The following TRIM66 variants were observed in gnomAD, a reference collection of about 807,000 sequenced individuals.
The protein encoded by TRIM66 is tripartite motif-containing protein 66.
TRIM66 carries 99 observed loss-of-function variants against 148.2 expected under a neutral mutation model. The ratio of observed to expected loss-of-function variants is 0.67; its 90% confidence interval spans 0.57 to 0.79. The LOEUF (loss-of-function observed/expected upper bound fraction) is 0.79, where lower values mean the gene tolerates loss of function less well. Among genes scored for constraint, TRIM66 ranks in the 30% least tolerant of loss-of-function variants. TRIM66 has a pLI of 0.00. For synonymous variants in TRIM66, 616 were observed against 635.9 expected (o/e 0.97, Z 0.47); for missense variants, 1,666 against 1,697.9 (o/e 0.98, Z 0.33).
At chr11:8,637,910 G>A (rs1336394411) in intron 15 of TRIM66, among the ~76,000 whole-genome samples, 1 of 152,198 alleles carries the variant, frequency 6.6e-6, no homozygotes, top group Non-Finnish European at 1.5e-5. Context: ...CAGGGGTTGG[G>A]GGTGAAGGGG....
At position 8,679,881 on chromosome 11, in the gene TRIM66, G is replaced by A. The variant is rs1218841796; in HGVS notation, c.-385+20C>T. On this transcript the variant is annotated intron_variant, in intron 2 of 24. Coordinates refer to ENST00000646038, the MANE Select transcript of TRIM66 (RefSeq NM_001388022.1). Reference sequence around the variant, plus strand: ...GGGATCTGGAGAGAGAAGACTAAAGGCTAGGCCCAGGCTCTGTACCTGACC... The same window carrying A: ...GGGATCTGGAGAGAGAAGACTAAAGACTAGGCCCAGGCTCTGTACCTGACC... 1 of 152,286 alleles carries A rather than the reference G, an allele frequency of 6.6e-6. No homozygotes were observed. Among genetic ancestry groups the A allele is most frequent in the Non-Finnish European group, 1.5e-5 (1 of 68,120 alleles). 9.4% of individuals were successfully genotyped at this position (152,286 alleles called of 1,614,324 possible). A position where few individuals can be genotyped will look rare whatever the true frequency, so the allele number is the denominator to read the frequency against.
In TRIM66 at chr11:8,671,835, C is replaced by T. The variant is rs1479044158; in HGVS notation, c.291G>A (p.Leu97=). 6.5e-7 allele frequency: 1 copy of T among 1,529,978 alleles called. No homozygotes were observed. The highest frequency in any genetic ancestry group is 8.8e-7 in the Non-Finnish European group (1 of 1,141,374). The allele number at this position is 1,529,978 out of a possible 1,614,324, so 94.8% of individuals were successfully genotyped here. A position where few individuals can be genotyped will look rare whatever the true frequency, so the allele number is the denominator to read the frequency against. Residue 97 remains leucine (L), a synonymous_variant, in exon 6 of 25, where the codon TTG becomes TTA. Transcript: ENST00000646038. The part of the protein sequence containing the change: ...HLLRKDCFQG[L]IQELGQIAKA... ...TGGCAATCTGCCCTAGCTCCTGTATCAAGCCCTGGAAGCAGTCCTTACGGA... is the reference window on the plus strand; with the variant it reads ...TGGCAATCTGCCCTAGCTCCTGTATTAAGCCCTGGAAGCAGTCCTTACGGA...
chr11:8,645,599 G>A (rs1376057671), intron 12 of TRIM66, 142 bp downstream of exon 12: 1 of 971,426 alleles, frequency 1.0e-6, no homozygotes, highest in South Asian at 1.8e-5. Flanking sequence ...GAATTTGAAG[G>A]ATGGATGGAG....
chr11:8,673,424 G>C (rs2039037249), intron 4 of TRIM66, among the ~76,000 whole-genome samples: 1 of 152,156 alleles, frequency 6.6e-6, no homozygotes. Context: ...TACACACTAG[G>C]CAGTATTACT....
In TRIM66 at chr11:8,641,158, A is replaced by G. The variant is rs776771064; in HGVS notation, c.1223-6T>C. On this transcript the variant is annotated splice_region_variant and splice_polypyrimidine_tract_variant and intron_variant, in intron 13 of 24. Transcript: ENST00000646038. Reference sequence around the variant, plus strand: ...ACCTTCAGTAGTTATGCAGCCTGAAAATGCAGAATAGAGAGTTTTTCAAAA... The same window carrying G: ...ACCTTCAGTAGTTATGCAGCCTGAAGATGCAGAATAGAGAGTTTTTCAAAA... 1 of 1,545,026 alleles carries G rather than the reference A, an allele frequency of 6.5e-7. No individual in the cohort carries two copies. Among genetic ancestry groups the G allele is most frequent in the South Asian group, 1.2e-5 (1 of 83,866 alleles).
At chr11:8,628,632 A>AG (rs1385589443) in intron 15 of TRIM66, among the ~76,000 whole-genome samples, 32,095 of 82,930 alleles carry the variant, frequency 0.39, 5,149 homozygotes, top group Middle Eastern at 0.43. Context: ...AAAAAAAAAA[A>AG]AAAAAGAGAG....
chr11:8,645,593 T>C (rs1199238580), intron 12 of TRIM66, 148 bp downstream of exon 12: 4 of 944,368 alleles, frequency 4.2e-6, no homozygotes, highest in African/African-American at 1.7e-5. Context: ...GTGATTGAAT[T>C]TGAAGGATGG....
chr11:8,638,136 C>T (rs529797540), intron 15 of TRIM66, among the ~76,000 whole-genome samples: 2 of 152,242 alleles, frequency 1.3e-5, no homozygotes, highest in South Asian at 4.2e-4. Context: ...CTAAGGTATC[C>T]AACTCTGGGT....
At chr11:8,661,963 T>C (rs2038287604) in intron 6 of TRIM66, among the ~76,000 whole-genome samples, 1 of 152,202 alleles carries the variant, frequency 6.6e-6, no homozygotes, top group Non-Finnish European at 1.5e-5. Flanking sequence ...GCCTGCCTCC[T>C]TTCCATTACC....
In TRIM66 at chr11:8,619,518, C is replaced by G; in HGVS notation, c.3765G>C (p.Gln1255His). The G allele has an allele frequency of 2.6e-6, 4 of 1,546,332 alleles. No homozygotes were observed. Among genetic ancestry groups the G allele is most frequent in the Non-Finnish European group, 3.5e-6 (4 of 1,145,084 alleles). ...ACAGGTCCATGGGCCTCTTGATAAT[C>G]TGGTAATAATGCCGGGCCTTGGGGG... ...PVSPLARHYY[Q>H]IIKRPMDLSI... The change falls in exon 23 of 25, where the codon CAG becomes CAC. Residue 1255 changes from glutamine to histidine, a missense_variant. This residue lies in a region of TRIM66 where 204 missense variants were observed against 231.0 expected (regional missense o/e 0.88). Transcript: ENST00000646038.
intron 16 of TRIM66, 26 bp from the exon 17 acceptor site, chr11:8,624,577 A>T: frequency 6.6e-7 from 1 of 1,515,702 alleles, no homozygotes; most frequent in Non-Finnish European, 8.8e-7. Context: ...TGTCGACAAG[A>T]ATCAAAGAAC....
At chr11:8,658,947 C>T (rs2038060492) in intron 6 of TRIM66, 2 of 310,420 alleles carry the variant, frequency 6.4e-6, no homozygotes, top group South Asian at 1.3e-4. Context: ...ATTAGGACTT[C>T]GGATGGAGAA....
chr11:8,683,185 A>C, upstream of TRIM66: 6 of 1,613,934 alleles, frequency 3.7e-6, no homozygotes, highest in Non-Finnish European at 5.1e-6. Flanking sequence ...CCTTACCACC[A>C]AGCTTTTTCC....
intron 12 of TRIM66, chr11:8,644,240 G>T: frequency 3.0e-6 from 1 of 335,130 alleles, no homozygotes; most frequent in Non-Finnish European, 5.8e-6. Context: ...CTACTCTTAG[G>T]TAATCCAGCC....
chr11:8,644,262 A>G lies in TRIM66; in HGVS notation c.1105-1136T>C, dbSNP rs1045886713. On this transcript the variant is annotated intron_variant, in intron 12 of 24. Coordinates refer to ENST00000646038, the MANE Select transcript of TRIM66 (RefSeq NM_001388022.1). ...TAGGTAATCCAGCCATACCAAAGCCATGTTATCTGGGGCCACTTCAGTGAT... is the reference window on the plus strand; with the variant it reads ...TAGGTAATCCAGCCATACCAAAGCCGTGTTATCTGGGGCCACTTCAGTGAT... 1.1e-4 allele frequency: 39 copies of G among 349,606 alleles called. 1 individual carries two copies. Among genetic ancestry groups the G allele is most frequent in the South Asian group, 8.6e-4 (37 of 42,816 alleles). 21.7% of individuals were successfully genotyped at this position (349,606 alleles called of 1,614,324 possible).
At chr11:8,677,696 A>G (rs2039241584) in intron 3 of TRIM66, among the ~76,000 whole-genome samples, 1 of 152,248 alleles carries the variant, frequency 6.6e-6, no homozygotes, top group Non-Finnish European at 1.5e-5. Context: ...CTGAAATTAA[A>G]GTAAAACCCA....
intron 18 of TRIM66, 65 bp downstream of exon 18, chr11:8,622,751 C>T (rs2034424076): frequency 1.4e-6 from 2 of 1,432,102 alleles, no homozygotes; most frequent in African/African-American, 1.4e-5. Flanking sequence ...GATGCTTCAT[C>T]CCTGTGCCAG....
chr11:8,633,535 T>G (rs2142000702), intron 15 of TRIM66, among the ~76,000 whole-genome samples: 1 of 152,232 alleles, frequency 6.6e-6, no homozygotes, highest in East Asian at 1.9e-4. Context: ...TTGGGGAGTG[T>G]TTGGCCTGAC....
At chr11:8,672,697 T>A (rs1433781969) in intron 4 of TRIM66, among the ~76,000 whole-genome samples, 1 of 149,342 alleles carries the variant, frequency 6.7e-6, no homozygotes, top group Non-Finnish European at 1.5e-5. Flanking sequence ...CACAGCTCAC[T>A]GCAGCCTTGA....
Sources: gnomAD v4.1 joint callset for allele counts (sites outside exome capture counted in the v4.1 genomes callset) on GRCh38, gnomAD v4.1.1 for gene constraint, gnomAD v4.1.1 regional missense constraint, MANE v1.5 for transcripts, NCBI Gene and HGNC (gene_info 2026-07-23, HGNC 2026-07-21) for gene names.